TANGO2: variants seen among roughly 807,000 people sequenced by gnomAD.
TANGO2 encodes the protein transport and golgi organization 2 homolog.
TANGO2 carries 26 observed loss-of-function variants against 39.1 expected under a neutral mutation model. The ratio of observed to expected loss-of-function variants is 0.67; its 90% confidence interval spans 0.49 to 0.92. The LOEUF (loss-of-function observed/expected upper bound fraction) is 0.92, where lower values mean the gene tolerates loss of function less well. Ranked by LOEUF, TANGO2 falls within the 40% of genes least tolerant of loss-of-function variation. The pLI is 0.00. For missense variants in TANGO2, 326 were observed against 360.1 expected (o/e 0.91, Z 0.77); for synonymous variants, 131 against 144.5 (o/e 0.91, Z 0.67).
chr22:20,062,591 C>G (rs962884426), intron 7 of TANGO2, among the ~76,000 whole-genome samples: 5 of 152,264 alleles, frequency 3.3e-5, no homozygotes, highest in African/African-American at 1.2e-4. Flanking sequence ...CCACACAGCC[C>G]CCATCAATGT....
intron 3 of TANGO2, among the ~76,000 whole-genome samples, chr22:20,046,377 G>C (rs967133335): frequency 2.0e-4 from 30 of 151,908 alleles, no homozygotes; most frequent in Admixed American, 2.0e-3. Context: ...CAAAGTCCTG[G>C]CCTGAAGTGA....
chr22:20,017,614 G>A (rs1458430332), upstream of TANGO2, among the ~76,000 whole-genome samples: 1 of 152,172 alleles, frequency 6.6e-6, no homozygotes, highest in Non-Finnish European at 1.5e-5. Flanking sequence ...CGTCTGGGGA[G>A]GCAGAGTTGT....
rs1424119629 is a variant in TANGO2 at position 20,052,355 on chromosome 22, G to A, written c.146-110G>A. 8 of 1,473,552 alleles carry A rather than the reference G, an allele frequency of 5.4e-6. No individual in the cohort carries two copies. In the East Asian group the frequency reaches 9.9e-5, roughly 18 times the overall value. 91.3% of individuals were successfully genotyped at this position (1,473,552 alleles called of 1,614,324 possible). On this transcript the variant is annotated intron_variant, in intron 3 of 8. Transcript: ENST00000327374. ...GCCAAGCCGCATGTCGAACGTCCTC[G>A]AGGAGCTTGAGGCAGGAGCTGGGCC...
chr22:20,042,490 A>C (rs989544907), intron 2 of TANGO2, among the ~76,000 whole-genome samples: 3 of 152,142 alleles, frequency 2.0e-5, no homozygotes. Flanking sequence ...ATTAGGCTGG[A>C]TGTGGTGGCT....
At chr22:20,048,870 C>T (rs954289201) in intron 3 of TANGO2, among the ~76,000 whole-genome samples, 1 of 152,164 alleles carries the variant, frequency 6.6e-6, no homozygotes, top group African/African-American at 2.4e-5. Flanking sequence ...TGGGCTCAAT[C>T]TCTTGACCTC....
intron 1 of TANGO2, among the ~76,000 whole-genome samples, chr22:20,025,738 CT>C (rs1343767974): frequency 5.3e-5 from 8 of 152,230 alleles, no homozygotes; most frequent in Non-Finnish European, 8.8e-5. Context: ...AGGTTATGGA[CT>C]TTCTTACTGT....
chr22:20,047,874 C>A (rs1602159724), intron 3 of TANGO2: 1 of 151,904 alleles, frequency 6.6e-6, no homozygotes, highest in African/African-American at 2.4e-5. Flanking sequence ...GGGGCATTAC[C>A]CCCATGCTGC....
Position 20,052,890 on chromosome 22 carries a change from C to G in TANGO2, c.265+306C>G, listed in dbSNP as rs181229716. On this transcript the variant is annotated intron_variant, in intron 4 of 8. Transcript: ENST00000327374. ...GTGGGTGGCTTCCGTGGGCATATCA[C>G]TGCCGCCACTGAGGTGTGCTGCAGG... Among the ~76,000 whole-genome samples, 3 of 152,270 alleles carry G rather than the reference C, an allele frequency of 2.0e-5. No homozygotes were observed. In the East Asian group the frequency reaches 5.8e-4, roughly 29 times the overall value.
At position 20,061,511 on chromosome 22, in the gene TANGO2, C is replaced by T. The variant is rs373692422; in HGVS notation, c.452-19C>T. 8.2e-6 allele frequency: 13 copies of T among 1,590,424 alleles called. No individual in the cohort carries two copies. In the South Asian group the frequency reaches 1.0e-4, roughly 13 times the overall value. On this transcript the variant is annotated intron_variant, in intron 6 of 8. Transcript: ENST00000327374. ...GGCACAGCAGGGCCTCTGCATGGCC[C>T]GCTGATTGCTCCTCACAGGCACCTA...
intron 1 of TANGO2, among the ~76,000 whole-genome samples, chr22:20,029,589 G>T (rs1452254950): frequency 6.6e-6 from 1 of 152,214 alleles, no homozygotes; most frequent in Non-Finnish European, 1.5e-5. Context: ...CCTCTGGCCA[G>T]GCTTGGGGGT....
rs567307624 is a variant in TANGO2 at position 20,057,028 on chromosome 22, G to T, written c.451+1015G>T. Reference sequence around the variant, plus strand: ...GGCTCCTCTGAAGCTCCATGCCCACGTCACACAGACTTTCTTTTGCATTTG... The same window carrying T: ...GGCTCCTCTGAAGCTCCATGCCCACTTCACACAGACTTTCTTTTGCATTTG... On this transcript the variant is annotated intron_variant, in intron 6 of 8. Transcript: ENST00000327374. This position sits in a 1 kb window ranked among gnomAD's most constrained non-coding sequence, Gnocchi z 4.1. The T allele has an allele frequency of 4.5e-6, 2 of 447,162 alleles. No individual in the cohort carries two copies. Among genetic ancestry groups the T allele is most frequent in the South Asian group, 3.1e-5 (2 of 64,100 alleles). 27.7% of individuals were successfully genotyped at this position (447,162 alleles called of 1,614,324 possible).
chr22:20,026,480 G>A (rs1356770070), intron 1 of TANGO2, among the ~76,000 whole-genome samples: 1 of 152,188 alleles, frequency 6.6e-6, no homozygotes, highest in Non-Finnish European at 1.5e-5. Flanking sequence ...GGACAGGGAG[G>A]GCCTTTAGCA....
At chr22:20,029,815 T>C (rs1175448010) in intron 1 of TANGO2, among the ~76,000 whole-genome samples, 1 of 152,190 alleles carries the variant, frequency 6.6e-6, no homozygotes, top group Non-Finnish European at 1.5e-5. Context: ...CCCCTGGGCA[T>C]TCACTCTAGC....
chr22:20,065,119 C>A lies in TANGO2; in HGVS notation c.*457C>A. 1 of 165,514 alleles carries A rather than the reference C, an allele frequency of 6.0e-6. No individual in the cohort carries two copies. The highest frequency in any genetic ancestry group is 1.6e-4 in the South Asian group (1 of 6,102). The allele number at this position is 165,514 out of a possible 1,614,324, so 10.3% of individuals were successfully genotyped here. On this transcript the variant is annotated 3_prime_UTR_variant, in exon 9 of 9. Coordinates refer to ENST00000327374, the MANE Select transcript of TANGO2 (RefSeq NM_152906.7). ...ACACACAGGTGCACACACACGATGC[C>A]GAACAAGGCAGAAGGGCGACTCTCA...
At chr22:20,061,889 A>C in intron 7 of TANGO2, 4 of 664,902 alleles carry the variant, frequency 6.0e-6, no homozygotes, top group Non-Finnish European at 9.6e-6. Flanking sequence ...ATGACAGAAG[A>C]TGGGCCCAGG....
chr22:20,024,364 G>A lies in TANGO2; in HGVS notation c.-40+3118G>A, dbSNP rs1007211118. Among the ~76,000 whole-genome samples, 7 of 152,334 alleles carry A rather than the reference G, an allele frequency of 4.6e-5. 1 individual carries two copies. The highest frequency in any genetic ancestry group is 4.1e-4 in the South Asian group (2 of 4,820). ...TCAGGACTTTCTTCGCCCAGGCCCC[G>A]TGAACAGCGACACTGTGTTCCCACG... On this transcript the variant is annotated intron_variant, in intron 1 of 8. Coordinates refer to ENST00000327374, the MANE Select transcript of TANGO2 (RefSeq NM_152906.7).
intron 1 of TANGO2, among the ~76,000 whole-genome samples, chr22:20,029,499 G>A (rs1053906957): frequency 1.3e-5 from 2 of 152,172 alleles, no homozygotes; most frequent in Non-Finnish European, 2.9e-5. Flanking sequence ...AATTCCACCC[G>A]CACTGGTATT....
At chr22:20,039,105 T>C (rs1005762262) in intron 2 of TANGO2, among the ~76,000 whole-genome samples, 1 of 151,098 alleles carries the variant, frequency 6.6e-6, no homozygotes, top group Non-Finnish European at 1.5e-5. Context: ...GGCTAATTTT[T>C]TTTTTTTTGG....
chr22:20,037,479 C>T (rs1023135082), intron 2 of TANGO2, among the ~76,000 whole-genome samples: 3 of 152,180 alleles, frequency 2.0e-5, no homozygotes, highest in African/African-American at 7.2e-5. Flanking sequence ...CTCTCTAATG[C>T]AACTGCTCGG....
Sources: allele counts gnomAD v4.1 joint callset (sites outside exome capture counted in the v4.1 genomes callset), GRCh38; gene constraint gnomAD v4.1.1; non-coding constraint Gnocchi (gnomAD v3.1); transcripts MANE v1.5; gene names NCBI Gene and HGNC (gene_info 2026-07-23, HGNC 2026-07-21).